The following MSANTD5 variants were observed in gnomAD, a reference collection of about 807,000 sequenced individuals.
The protein encoded by MSANTD5 is Myb/SANT DNA binding domain containing 5, also known as uncharacterized protein MSANTD5.
At chr5:178,697,433 G>C (rs572457424) in intron 1 of MSANTD5, among the ~76,000 whole-genome samples, 153 bp downstream of exon 1, 10 of 151,990 alleles carry the variant, frequency 6.6e-5, no homozygotes, top group Admixed American at 6.6e-4. Flanking sequence ...CAGCCTGGGC[G>C]ACAGAGCGAG....
chr5:178,693,749 G>C (rs939289652), downstream of MSANTD5, among the ~76,000 whole-genome samples: 3 of 151,878 alleles, frequency 2.0e-5, no homozygotes, highest in Non-Finnish European at 4.4e-5. Flanking sequence ...CATTTTTATA[G>C]AATGCTGATT....
At chr5:178,699,848 G>A (rs187232406), upstream of MSANTD5, among the ~76,000 whole-genome samples, 16 of 152,258 alleles carry the variant, frequency 1.1e-4, no homozygotes, top group East Asian at 3.1e-3. Context: ...CTTGTCCTCG[G>A]TATATGCACC....
At chr5:178,700,137 C>T (rs1380596328), upstream of MSANTD5, among the ~76,000 whole-genome samples, 2 of 152,128 alleles carry the variant, frequency 1.3e-5, no homozygotes, top group African/African-American at 2.4e-5. Context: ...TGCAGGCCCC[C>T]GTCGCCCTGG....
At chr5:178,707,398 G>A in the MSANTD5 span, among the ~76,000 whole-genome samples, 1 of 151,734 alleles carries the variant, frequency 6.6e-6, no homozygotes, top group Non-Finnish European at 1.5e-5. Flanking sequence ...CCTACTTCAG[G>A]CTTTGCTTTA....
chr5:178,704,053 C>A, the MSANTD5 span, among the ~76,000 whole-genome samples: 1 of 151,168 alleles, frequency 6.6e-6, no homozygotes, highest in Non-Finnish European at 1.5e-5. Context: ...CTAATTTTTA[C>A]CAAATATATG....
At chr5:178,703,633 T>C in the MSANTD5 span, among the ~76,000 whole-genome samples, 1 of 152,136 alleles carries the variant, frequency 6.6e-6, no homozygotes, top group African/African-American at 2.4e-5. Context: ...AATAATCTAT[T>C]GTATATTTCA....
At chr5:178,693,475 A>G (rs1765377624), downstream of MSANTD5, among the ~76,000 whole-genome samples, 1 of 151,870 alleles carries the variant, frequency 6.6e-6, no homozygotes, top group Non-Finnish European at 1.5e-5. Context: ...TCTGCCTTCC[A>G]GTGGGTTCTT....
chr5:178,706,894 C>A, the MSANTD5 span: 15 of 152,192 alleles, frequency 9.9e-5, no homozygotes, highest in Admixed American at 6.5e-4. Context: ...GTTCCACATT[C>A]TCAGTTTAGT....
At chr5:178,698,025 C>G (rs1403282567), upstream of MSANTD5, among the ~76,000 whole-genome samples, 1 of 152,118 alleles carries the variant, frequency 6.6e-6, no homozygotes, top group East Asian at 1.9e-4. Context: ...AGATAAATTA[C>G]CCCTTCCCCC....
downstream of MSANTD5, among the ~76,000 whole-genome samples, chr5:178,694,127 T>C (rs137900594): frequency 3.5e-3 from 535 of 151,248 alleles, 7 homozygotes; most frequent in East Asian, 0.023. Context: ...GACCAGCCTG[T>C]CCAAGATGGT....
chr5:178,705,776 T>C, the MSANTD5 span, among the ~76,000 whole-genome samples: 1 of 151,964 alleles, frequency 6.6e-6, no homozygotes, highest in Non-Finnish European at 1.5e-5. Flanking sequence ...GCTAACACAG[T>C]GAAACCCCAT....
At chr5:178,698,877 C>A (rs2113855755), upstream of MSANTD5, among the ~76,000 whole-genome samples, 1 of 151,566 alleles carries the variant, frequency 6.6e-6, no homozygotes, top group African/African-American at 2.4e-5. Flanking sequence ...AGGTGTGAGC[C>A]ACCATGCTGG....
chr5:178,698,211 A>T (rs995001187), upstream of MSANTD5, among the ~76,000 whole-genome samples: 15 of 152,336 alleles, frequency 9.8e-5, no homozygotes, highest in African/African-American at 3.1e-4. Context: ...AAAGGAGTTT[A>T]GGGTAGGGAA....
At chr5:178,705,027 T>C in the MSANTD5 span, among the ~76,000 whole-genome samples, 1 of 151,728 alleles carries the variant, frequency 6.6e-6, no homozygotes, top group Non-Finnish European at 1.5e-5. Flanking sequence ...GGGTGCTGGG[T>C]ATCAAGACCT....
chr5:178,703,653 T>A, the MSANTD5 span, among the ~76,000 whole-genome samples: 2 of 151,950 alleles, frequency 1.3e-5, no homozygotes, highest in African/African-American at 4.8e-5. Flanking sequence ...AAAATAGCTA[T>A]GAGAGAGTAA....
chr5:178,696,523 G>C (rs1765414925), intron 1 of MSANTD5, among the ~76,000 whole-genome samples: 4 of 152,076 alleles, frequency 2.6e-5, no homozygotes, highest in Admixed American at 2.6e-4. Flanking sequence ...ACTGCGACCA[G>C]CCCCCCTTGT....
upstream of MSANTD5, among the ~76,000 whole-genome samples, chr5:178,701,108 G>T (rs548614826): frequency 6.6e-6 from 1 of 152,212 alleles, no homozygotes; most frequent in East Asian, 1.9e-4. Flanking sequence ...CAAGTAGCTG[G>T]GACTACAGGC....
chr5:178,698,181 C>T (rs890127548), upstream of MSANTD5, among the ~76,000 whole-genome samples: 1 of 152,094 alleles, frequency 6.6e-6, no homozygotes, highest in Non-Finnish European at 1.5e-5. Context: ...GTGGGACCCT[C>T]TATGAGAAGC....
intron 1 of MSANTD5, among the ~76,000 whole-genome samples, chr5:178,697,194 C>T (rs112107767): frequency 6.1e-4 from 93 of 152,200 alleles, no homozygotes; most frequent in African/African-American, 2.1e-3. Flanking sequence ...GTGGCTCACG[C>T]CTGTAATCCC....
Sources: gnomAD v4.1 joint callset for allele counts (sites outside exome capture counted in the v4.1 genomes callset) on GRCh38, gnomAD v4.1.1 for gene constraint, MANE v1.5 for transcripts, NCBI Gene and HGNC (gene_info 2026-07-23, HGNC 2026-07-21) for gene names.